XXYLT1: variants seen among roughly 807,000 people sequenced by gnomAD.
XXYLT1 encodes the protein xyloside xylosyltransferase 1.
In XXYLT1, 20 loss-of-function variants were observed where a neutral mutation model predicts 28.9. That is an observed-to-expected ratio of 0.69 (90% CI 0.49 to 1.00). The LOEUF (loss-of-function observed/expected upper bound fraction) is 1.00. Ranked by LOEUF, XXYLT1 falls within the 50% of genes least tolerant of loss-of-function variation. The pLI is 0.00. For missense variants in XXYLT1, 542 were observed against 560.1 expected (o/e 0.97, Z 0.33); for synonymous variants, 257 against 253.8 (o/e 1.01, Z -0.12).
At chr3:195,148,283 G>T (rs1033925543) in intron 3 of XXYLT1, among the ~76,000 whole-genome samples, 1 of 152,202 alleles carries the variant, frequency 6.6e-6, no homozygotes, top group African/African-American at 2.4e-5. Flanking sequence ...TCCTGCAGGG[G>T]TTATAGCACG....
chr3:195,136,164 A>G (rs1485959892), intron 3 of XXYLT1, among the ~76,000 whole-genome samples: 2 of 152,202 alleles, frequency 1.3e-5, no homozygotes, highest in Non-Finnish European at 2.9e-5. Flanking sequence ...AGAGAGCCCC[A>G]CACGTCAGAG....
chr3:195,100,233 G>A lies in XXYLT1; in HGVS notation c.786-30122C>T, dbSNP rs141876799. Among the ~76,000 whole-genome samples, 262 of 152,202 alleles carry A rather than the reference G, an allele frequency of 1.7e-3. 1 individual carries two copies. Among genetic ancestry groups the A allele is most frequent in the African/African-American group, 6.1e-3 (254 of 41,530 alleles). ...TATTCATCCTCTGTGGATGTCTGAC[G>A]GCCAGATGGACAGGGCTGGTTTCCT... On this transcript the variant is annotated intron_variant, in intron 3 of 3. Coordinates refer to ENST00000310380, the MANE Select transcript of XXYLT1 (RefSeq NM_152531.5).
rs562104103 is a variant in XXYLT1, at chr3:195,210,269, C to T, written c.652+16440G>A. Among the ~76,000 whole-genome samples, 1 of 152,238 alleles carries T rather than the reference C, an allele frequency of 6.6e-6. No homozygotes were observed. The highest frequency in any genetic ancestry group is 1.9e-4 in the East Asian group (1 of 5,200). On this transcript the variant is annotated intron_variant, in intron 2 of 3. Transcript: ENST00000310380. The surrounding 1 kb of genome is among the most constrained non-coding windows in gnomAD (Gnocchi z 4.8). ...CCGCTGAAGTCAGGACAGGACAGGA[C>T]GCTGCTCTGCTGACCTCTCGCCTCT...
At chr3:195,110,273 T>TGTGTGCGTGTGTATGTA (rs1553803723) in intron 3 of XXYLT1, among the ~76,000 whole-genome samples, 3 of 6,768 alleles carry the variant, frequency 4.4e-4, no homozygotes, top group African/African-American at 2.1e-3. Flanking sequence ...GGGTGTGTGG[T>TGTGTGCGTGTGTATGTA]GTGTGTGGGG....
At chr3:195,242,181 G>A (rs1173999950) in intron 1 of XXYLT1, among the ~76,000 whole-genome samples, 2 of 152,204 alleles carry the variant, frequency 1.3e-5, no homozygotes, top group Non-Finnish European at 2.9e-5. Context: ...TGGCCCCGCA[G>A]CACCTGGGAA....
intron 2 of XXYLT1, among the ~76,000 whole-genome samples, chr3:195,166,630 C>T (rs1721134515): frequency 6.6e-6 from 1 of 152,038 alleles, no homozygotes; most frequent in Admixed American, 6.6e-5. Flanking sequence ...TTCAGTCTTT[C>T]TTTGTTTTCC....
intron 3 of XXYLT1, among the ~76,000 whole-genome samples, chr3:195,102,402 G>A (rs557817156): frequency 6.6e-5 from 10 of 152,184 alleles, no homozygotes; most frequent in South Asian, 2.1e-4. Context: ...CGTCTGCTAC[G>A]CTGTATCCCC....
chr3:195,242,880 G>A (rs1488386444), intron 1 of XXYLT1, among the ~76,000 whole-genome samples: 2 of 152,144 alleles, frequency 1.3e-5, no homozygotes, highest in Non-Finnish European at 2.9e-5. Flanking sequence ...GTTTCTAATG[G>A]CTGGCATTCG....
Position 195,087,706 on chromosome 3 carries a change from T to C in XXYLT1, c.786-17595A>G, listed in dbSNP as rs536388009. ...CAAGATGGCCGAATAGGAACAGCTC[T>C]GGTGTACAGCTCCCAGCGTGAGCGA... On this transcript the variant is annotated intron_variant, in intron 3 of 3. Coordinates refer to ENST00000310380, the MANE Select transcript of XXYLT1 (RefSeq NM_152531.5). Among the ~76,000 whole-genome samples the C allele has an allele frequency of 3.1e-3, 478 of 152,310 alleles. 4 individuals carry two copies. Among genetic ancestry groups the C allele is most frequent in the Middle Eastern group, 3.4e-3 (1 of 294 alleles).
chr3:195,110,536 CGT>C lies in XXYLT1; in HGVS notation c.786-40427_786-40426del, dbSNP rs1479807109. On this transcript the variant is annotated intron_variant, in intron 3 of 3. Transcript: ENST00000310380. Reference sequence around the variant, plus strand: ...TGTATGTGTGCGTGGTGTACGTGTGCGTGTGTGTGGTGTGTGTGTGGTGTATG... The same window carrying C: ...TGTATGTGTGCGTGGTGTACGTGTGCGTGTGTGGTGTGTGTGTGGTGTATG... Among the ~76,000 whole-genome samples, 2 of 31,940 alleles carry C rather than the reference CGT, an allele frequency of 6.3e-5. 1 individual carries two copies. The highest frequency in any genetic ancestry group is 3.7e-4 in the African/African-American group (2 of 5,334). The allele number at this position is 31,940 out of a possible 152,430, so 21.0% of individuals were successfully genotyped here. A position where few individuals can be genotyped will look rare whatever the true frequency, so the allele number is the denominator to read the frequency against.
At chr3:195,092,488 G>A (rs1158781985) in intron 3 of XXYLT1, among the ~76,000 whole-genome samples, 15 of 141,374 alleles carry the variant, frequency 1.1e-4, no homozygotes, top group African/African-American at 4.0e-4. Context: ...GTAGAAAGCT[G>A]AAACTGGATC....
chr3:195,112,529 G>C (rs1163495420), intron 3 of XXYLT1, among the ~76,000 whole-genome samples: 4 of 129,578 alleles, frequency 3.1e-5, no homozygotes, highest in African/African-American at 1.2e-4. Flanking sequence ...CACACACACA[G>C]AGCCCCCAGC....
chr3:195,191,773 C>G (rs1025632719), intron 2 of XXYLT1, among the ~76,000 whole-genome samples: 1 of 152,146 alleles, frequency 6.6e-6, no homozygotes, highest in East Asian at 1.9e-4. Flanking sequence ...TAGAGAGAGA[C>G]ATTTTAAAAT....
intron 3 of XXYLT1, among the ~76,000 whole-genome samples, chr3:195,104,336 A>G (rs1716974315): frequency 6.6e-6 from 1 of 152,066 alleles, no homozygotes; most frequent in African/African-American, 2.4e-5. Flanking sequence ...GACAAGAAGT[A>G]GCAAGCAGAG....
intron 1 of XXYLT1, among the ~76,000 whole-genome samples, chr3:195,254,376 T>G (rs1471356059): frequency 6.6e-6 from 1 of 152,264 alleles, no homozygotes; most frequent in African/African-American, 2.4e-5. Flanking sequence ...AGCCATTCCC[T>G]GAGCCGGAAG....
At chr3:195,175,561 A>G in intron 2 of XXYLT1, 3 of 1,534,010 alleles carry the variant, frequency 2.0e-6, no homozygotes, top group Non-Finnish European at 2.6e-6. Context: ...GGTAGTTAGG[A>G]CACAGGTCTG....
chr3:195,174,443 A>G (rs1721558953), intron 2 of XXYLT1, among the ~76,000 whole-genome samples: 2 of 151,914 alleles, frequency 1.3e-5, no homozygotes, highest in South Asian at 2.1e-4. Flanking sequence ...GGCTCAAGTG[A>G]TCCTCCCACC....
intron 3 of XXYLT1, among the ~76,000 whole-genome samples, chr3:195,089,132 T>C (rs984660182): frequency 2.7e-5 from 4 of 149,962 alleles, no homozygotes; most frequent in Admixed American, 2.0e-4. Context: ...ACTTCCCCAA[T>C]CTAGCAAGGC....
intron 3 of XXYLT1, among the ~76,000 whole-genome samples, chr3:195,145,174 A>G (rs4677817): frequency 0.19 from 29,572 of 152,178 alleles, 3,419 homozygotes; most frequent in East Asian, 0.42. Flanking sequence ...AAAGGAAAGG[A>G]TTTCCATGCA....
Sources: allele counts gnomAD v4.1 joint callset (sites outside exome capture counted in the v4.1 genomes callset), GRCh38; gene constraint gnomAD v4.1.1; non-coding constraint Gnocchi (gnomAD v3.1); transcripts MANE v1.5; gene names NCBI Gene and HGNC (gene_info 2026-07-23, HGNC 2026-07-21).